Variants in CCDC33 observed in about 807,000 individuals in gnomAD.
CCDC33 encodes coiled-coil domain-containing protein 33.
Under a neutral mutation model 91.9 loss-of-function variants are expected in CCDC33, and 94 were observed. That is an observed-to-expected ratio of 1.02 (90% CI 0.87 to 1.21). CCDC33 has a LOEUF of 1.21. Among genes scored for constraint, CCDC33 ranks in the 50% most tolerant of loss-of-function variants. The probability of loss-of-function intolerance (pLI) is 0.00; values close to 1 mark genes in which losing one functional copy is unlikely to be tolerated. For missense variants in CCDC33, 940 were observed against 935.5 expected (o/e 1.00, Z -0.06); for synonymous variants, 396 against 374.5 (o/e 1.06, Z -0.66).
chr15:74,226,162 G>T (rs1408852391), intron 2 of CCDC33, among the ~76,000 whole-genome samples: 3 of 152,220 alleles, frequency 2.0e-5, no homozygotes, highest in African/African-American at 7.2e-5. Flanking sequence ...GAAATAGGAG[G>T]AGTTGAGGAA....
Position 74,218,373 on chromosome 15 carries a change from T to C in CCDC33, c.311-124T>C. On this transcript the variant is annotated intron_variant, in intron 1 of 2. Transcript: ENST00000635913. The surrounding 1 kb of genome is among the most constrained non-coding windows in gnomAD (Gnocchi z 4.8). ...CTACCAGGGAAATCTTAGCCAAGAC[T>C]GCTTGGCTTTGACTCAAAGTCTGGG... 1.2e-5 allele frequency: 12 copies of C among 1,013,406 alleles called. No individual in the cohort carries two copies. Among genetic ancestry groups the C allele is most frequent in the Non-Finnish European group, 1.5e-5 (12 of 778,458 alleles). 62.8% of individuals were successfully genotyped at this position (1,013,406 alleles called of 1,614,324 possible).
At chr15:74,251,690 G>A (rs145439203) in intron 2 of CCDC33, among the ~76,000 whole-genome samples, 5 of 152,256 alleles carry the variant, frequency 3.3e-5, no homozygotes, top group African/African-American at 7.2e-5. Flanking sequence ...GGTTTTCTTA[G>A]ATAAGCCTGA....
At chr15:74,329,165 TA>T (rs2060373861) in intron 11 of CCDC33, among the ~76,000 whole-genome samples, 1 of 152,100 alleles carries the variant, frequency 6.6e-6, no homozygotes, top group Admixed American at 6.5e-5. Context: ...AATTTTCATA[TA>T]TATATATATA....
intron 11 of CCDC33, among the ~76,000 whole-genome samples, chr15:74,326,192 G>A (rs774905426): frequency 5.3e-5 from 8 of 152,300 alleles, no homozygotes; most frequent in Non-Finnish European, 7.4e-5. Flanking sequence ...AGGCATGGTG[G>A]CACACACCTG....
intron 2 of CCDC33, among the ~76,000 whole-genome samples, chr15:74,219,931 G>T (rs1461635875): frequency 6.6e-6 from 1 of 152,124 alleles, no homozygotes; most frequent in Non-Finnish European, 1.5e-5. Context: ...AAAGGCTCTT[G>T]GCCCATCTGC....
At chr15:74,314,886 C>G (rs1470870025) in intron 11 of CCDC33, among the ~76,000 whole-genome samples, 1 of 152,232 alleles carries the variant, frequency 6.6e-6, no homozygotes, top group East Asian at 1.9e-4. Flanking sequence ...CAACGAGCCC[C>G]CTCCTAGGCT....
At chr15:74,322,856 G>A (rs558865268) in intron 11 of CCDC33, among the ~76,000 whole-genome samples, 2 of 152,144 alleles carry the variant, frequency 1.3e-5, no homozygotes, top group Admixed American at 6.5e-5. Flanking sequence ...TTGGGTGGCC[G>A]CCCAAGGAAG....
At chr15:74,208,240 A>G (rs971534542) in intron 1 of CCDC33, among the ~76,000 whole-genome samples, 1 of 152,148 alleles carries the variant, frequency 6.6e-6, no homozygotes, top group Admixed American at 6.5e-5. Flanking sequence ...TGAGGCCCCC[A>G]TCAAGGGAGG....
At chr15:74,277,529 A>C (rs1007440752) in intron 7 of CCDC33, among the ~76,000 whole-genome samples, 2 of 152,254 alleles carry the variant, frequency 1.3e-5, no homozygotes, top group Non-Finnish European at 2.9e-5. Context: ...CCATAATTCC[A>C]CTACCGCTGT....
intron 11 of CCDC33, among the ~76,000 whole-genome samples, chr15:74,329,332 T>C (rs2060377726): frequency 6.6e-6 from 1 of 152,252 alleles, no homozygotes; most frequent in Middle Eastern, 3.4e-3. Context: ...GAACAGAGGC[T>C]CAAGTCCCTG....
chr15:74,311,443 G>C (rs561326317), intron 11 of CCDC33: 3 of 152,192 alleles, frequency 2.0e-5, no homozygotes, highest in Non-Finnish European at 4.4e-5. Flanking sequence ...CTAAACAGAC[G>C]AGGCTCTAAT....
In CCDC33 at chr15:74,335,959, C is replaced by T. The variant is rs1360070501; in HGVS notation, c.2174C>T (p.Pro725Leu). The change falls in exon 19 of 19, where the codon CCC becomes CTC. Residue 725 changes from proline (P) to leucine (L), a missense_variant. Physicochemically the swap from Pro to Leu is moderately conservative, Grantham distance 98. Coordinates refer to ENST00000398814, the MANE Select transcript of CCDC33 (RefSeq NM_025055.5). Reference sequence around the variant, plus strand: ...ACCCACTCCATGGACCTCAAGCAGCCCTCAGAGCTGGAGCCCCTGCTGCCC... The same window carrying T: ...ACCCACTCCATGGACCTCAAGCAGCTCTCAGAGCTGGAGCCCCTGCTGCCC... ...ALTHSMDLKQPSELEPLLPSS... is the reference protein window; with the variant it reads ...ALTHSMDLKQLSELEPLLPSS... 5 of 1,613,806 alleles carry T rather than the reference C, an allele frequency of 3.1e-6. 1 individual carries two copies. The highest frequency in any genetic ancestry group is 1.3e-5 in the African/African-American group (1 of 74,902).
chr15:74,326,717 A>G (rs1014497493), intron 11 of CCDC33, among the ~76,000 whole-genome samples: 1 of 152,220 alleles, frequency 6.6e-6, no homozygotes, highest in African/African-American at 2.4e-5. Context: ...CAGTCCTTCT[A>G]GAGGAGGCTA....
intron 1 of CCDC33, chr15:74,208,082 A>G (rs1443590603): frequency 4.1e-6 from 5 of 1,219,672 alleles, no homozygotes; most frequent in African/African-American, 1.5e-5. Flanking sequence ...CTGTTCTGGT[A>G]TGAGGGTGGA....
rs898943172 is a variant in CCDC33, at chr15:74,218,942, C to G, written c.675+81C>G. The G allele has an allele frequency of 1.4e-5, 16 of 1,183,110 alleles. No homozygotes were observed. The highest frequency in any genetic ancestry group is 1.6e-5 in the Non-Finnish European group (15 of 935,042). 73.3% of individuals were successfully genotyped at this position (1,183,110 alleles called of 1,614,324 possible). ...GCCTCCGTGATAAGCCAGGCTACCC[C>G]CTGTCCTGAGCTGAGCTGAGCAGAG... is the stretch of plus-strand genomic sequence containing the variant. On this transcript the variant is annotated intron_variant, in intron 2 of 2. Transcript: ENST00000635913. The surrounding 1 kb of genome is among the most constrained non-coding windows in gnomAD (Gnocchi z 4.8).
rs2076403566 is a variant in CCDC33 at position 74,274,598 on chromosome 15, C to T, written c.759+1707C>T. On this transcript the variant is annotated intron_variant, in intron 7 of 18. Transcript: ENST00000398814. ...ACCCTGGGGACAGAGGCTTCAAACCCAAACCAATCCTTTGCCTGATTTCCC... is the reference window on the plus strand; with the variant it reads ...ACCCTGGGGACAGAGGCTTCAAACCTAAACCAATCCTTTGCCTGATTTCCC... Among the ~76,000 whole-genome samples, 3 of 152,236 alleles carry T rather than the reference C, an allele frequency of 2.0e-5. No individual in the cohort carries two copies. The South Asian group carries it at 6.2e-4, about 31-fold the overall frequency.
At chr15:74,217,521 C>G (rs1401249180) in exon 1 of CCDC33, 1 of 1,285,702 alleles carries the variant, frequency 7.8e-7, no homozygotes, top group Non-Finnish European at 1.0e-6. Context: ...CATTGAGCAG[C>G]AGGAGCCTGG....
chr15:74,233,420 G>A (rs1001875229), upstream of CCDC33, among the ~76,000 whole-genome samples: 1 of 152,232 alleles, frequency 6.6e-6, no homozygotes, highest in Non-Finnish European at 1.5e-5. Context: ...AGGGCTCCCC[G>A]CTCTGAATCC....
intron 2 of CCDC33, among the ~76,000 whole-genome samples, chr15:74,210,552 T>C (rs1289821948): frequency 6.6e-6 from 1 of 152,226 alleles, no homozygotes; most frequent in Non-Finnish European, 1.5e-5. Context: ...TTCACAGTGG[T>C]CACACTTGGG....
Sources: gnomAD v4.1 joint callset for allele counts (sites outside exome capture counted in the v4.1 genomes callset) on GRCh38, gnomAD v4.1.1 for gene constraint, Gnocchi (gnomAD v3.1) non-coding constraint, MANE v1.5 for transcripts, NCBI Gene and HGNC (gene_info 2026-07-23, HGNC 2026-07-21) for gene names.